Variants in F2RL1 observed in about 807,000 individuals in gnomAD.
F2RL1 encodes proteinase-activated receptor 2.
Under a neutral mutation model 21.7 loss-of-function variants are expected in F2RL1, and 16 were observed. That is an observed-to-expected ratio of 0.74 (90% CI 0.50 to 1.12). F2RL1 has a LOEUF of 1.12. Among genes scored for constraint, F2RL1 ranks in the 50% most tolerant of loss-of-function variants. F2RL1 has a pLI of 0.00. For missense variants in F2RL1, 432 were observed against 477.8 expected, an observed-to-expected ratio of 0.90 and a Z score of 0.89; for synonymous variants, 181 against 186.7, an observed-to-expected ratio of 0.97 and a Z score of 0.25.
At chr5:76,827,565 A>G (rs1010987446) in intron 1 of F2RL1, among the ~76,000 whole-genome samples, 9 of 149,836 alleles carry the variant, frequency 6.0e-5, no homozygotes, top group Non-Finnish European at 1.2e-4. Context: ...GGACTCCTGC[A>G]TACCTGGGAG....
At chr5:76,826,623 A>G (rs979836868) in intron 1 of F2RL1, among the ~76,000 whole-genome samples, 22 of 148,844 alleles carry the variant, frequency 1.5e-4, no homozygotes, top group African/African-American at 5.2e-4. Context: ...CTCCTGCCTC[A>G]GCCTCCTGAG....
At chr5:76,827,073 AT>A (rs1457284677) in intron 1 of F2RL1, among the ~76,000 whole-genome samples, 2 of 151,762 alleles carry the variant, frequency 1.3e-5, no homozygotes. Flanking sequence ...CTTGTCTCAA[AT>A]TCCTGGCCTC....
rs1750404506 is a variant in F2RL1, at chr5:76,833,767, C to T, written c.1160C>T (p.Ser387Phe). The T allele has an allele frequency of 1.2e-6, 2 of 1,613,916 alleles. No homozygotes were observed. The highest frequency in any genetic ancestry group is 1.3e-5 in the African/African-American group (1 of 74,914). Reference sequence around the variant, plus strand: ...CACTCCAGGAAATCCAGCTCTTACTCTTCAAGTTCAACCACTGTTAAGACC... The same window carrying T: ...CACTCCAGGAAATCCAGCTCTTACTTTTCAAGTTCAACCACTGTTAAGACC... ...KKHSRKSSSY[S>F]SSSTTVKTSY The change falls in exon 2 of 2, where the codon TCT (serine) becomes TTT (phenylalanine). Residue 387 changes from serine to phenylalanine, a missense_variant. Ser to Phe is a radical substitution (Grantham distance 155). Coordinates refer to ENST00000296677, the MANE Select transcript of F2RL1 (RefSeq NM_005242.6).
intron 1 of F2RL1, among the ~76,000 whole-genome samples, chr5:76,823,141 A>C (rs1750170918): frequency 6.6e-6 from 1 of 151,752 alleles, no homozygotes; most frequent in Non-Finnish European, 1.5e-5. Flanking sequence ...GAGGCAGGAG[A>C]ATGGCGTGAA....
rs541124009 is a variant in F2RL1 at position 76,824,802 on chromosome 5, GAT to G, written c.82+5541_82+5542del. 1.3e-4 allele frequency among the ~76,000 whole-genome samples: 20 copies of G among 152,158 alleles called. No homozygotes were observed. The East Asian group carries it at 3.7e-3, about 28-fold the overall frequency. On this transcript the variant is annotated intron_variant, in intron 1 of 1. Coordinates refer to ENST00000296677, the MANE Select transcript of F2RL1 (RefSeq NM_005242.6). ...ATATGGCAAATACATTTAAAATTTTGATATGTTTTGCCAAATTACCCACCAAA... is the reference window on the plus strand; with the variant it reads ...ATATGGCAAATACATTTAAAATTTTGATGTTTTGCCAAATTACCCACCAAA...
chr5:76,833,607 A>G lies in F2RL1; in HGVS notation c.1000A>G (p.Thr334Ala), dbSNP rs1278446886. Residue 334 changes from threonine to alanine, a missense_variant, in exon 2 of 2, where the codon ACC (threonine) becomes GCC (alanine). Transcript: ENST00000296677. The stretch of plus-strand genomic sequence containing the variant: ...GTACATTGTAGCCCTCTGCCTCTCT[A>G]CCCTTAACAGCTGCATCGACCCCTT... Reference protein sequence around the residue: ...ALYIVALCLSTLNSCIDPFVY... With the variant: ...ALYIVALCLSALNSCIDPFVY... The G allele has an allele frequency of 1.2e-6, 2 of 1,613,388 alleles. No homozygotes were observed. Among genetic ancestry groups the G allele is most frequent in the Non-Finnish European group, 1.7e-6 (2 of 1,179,930 alleles).
At chr5:76,819,285 G>C (rs111871548) in intron 1 of F2RL1, 21 bp downstream of exon 1, 1 of 1,577,558 alleles carries the variant, frequency 6.3e-7, no homozygotes, top group Non-Finnish European at 8.5e-7. Flanking sequence ...TGGCCAAGGA[G>C]GGCTCTTATC....
At chr5:76,828,075 TCTCCTGTCTCACCCTCCC>T (rs1222793756) in intron 1 of F2RL1, among the ~76,000 whole-genome samples, 1 of 152,212 alleles carries the variant, frequency 6.6e-6, no homozygotes, top group African/African-American at 2.4e-5. Context: ...TTCAAATGAT[TCTCCTGTCTCACCCTCCC>T]AAGTTGCTGG....
At chr5:76,831,740 C>T (rs1333254663) in intron 1 of F2RL1, among the ~76,000 whole-genome samples, 1 of 152,022 alleles carries the variant, frequency 6.6e-6, no homozygotes. Context: ...GTTAGCCAGG[C>T]TGGTCTGAAA....
At chr5:76,830,198 C>T (rs1177240160) in intron 1 of F2RL1, among the ~76,000 whole-genome samples, 2 of 152,178 alleles carry the variant, frequency 1.3e-5, no homozygotes, top group African/African-American at 4.8e-5. Context: ...TGATGTGACT[C>T]CAATCTCTGC....
rs1381902881 is a variant in F2RL1 at position 76,833,586 on chromosome 5, A to C, written c.979A>C (p.Ile327Leu). 3 of 1,613,640 alleles carry C rather than the reference A, an allele frequency of 1.9e-6. No individual in the cohort carries two copies. The highest frequency in any genetic ancestry group is 1.1e-5 in the South Asian group (1 of 91,048). The part of the protein sequence containing the change: ...QGQSHVYALY[I>L]VALCLSTLNS... ...CCAGAGCCATGTCTATGCCCTGTAC[A>C]TTGTAGCCCTCTGCCTCTCTACCCT... Residue 327 changes from isoleucine to leucine, a missense_variant, in exon 2 of 2, where the codon ATT (isoleucine) becomes CTT (leucine). Transcript: ENST00000296677.
Position 76,819,130 on chromosome 5 carries a change from C to G in F2RL1, c.-53C>G, listed in dbSNP as rs34015116. On this transcript the variant is annotated 5_prime_UTR_variant, in exon 1 of 2. Coordinates refer to ENST00000296677, the MANE Select transcript of F2RL1 (RefSeq NM_005242.6). ...GTGCGTCCAGTGGAGCTCTGAGTTT[C>G]GAATCGGCGGCGGCGGATTCCCCGC... 3.9e-4 allele frequency: 571 copies of G among 1,461,032 alleles called. 9 individuals carry two copies. In the East Asian group the frequency reaches 0.012, roughly 31 times the overall value. The allele number at this position is 1,461,032 out of a possible 1,614,324, so 90.5% of individuals were successfully genotyped here. A position where few individuals can be genotyped will look rare whatever the true frequency, so the allele number is the denominator to read the frequency against.
At chr5:76,832,162 G>A (rs755960525) in intron 1 of F2RL1, among the ~76,000 whole-genome samples, 12 of 149,228 alleles carry the variant, frequency 8.0e-5, no homozygotes, top group Non-Finnish European at 8.9e-5. Flanking sequence ...ACAACTCCCC[G>A]ATACAAAAAT....
At chr5:76,824,159 A>AC (rs5868841) in intron 1 of F2RL1, among the ~76,000 whole-genome samples, 16,350 of 86,758 alleles carry the variant, frequency 0.19, 1,944 homozygotes, top group South Asian at 0.25. Context: ...TCCCCACCAC[A>AC]CCCCCCCCCC....
rs1750380999 is a variant in F2RL1, at chr5:76,833,092, C to T, written c.485C>T (p.Ser162Phe). ...IGFFYGNMYC[S>F]ILFMTCLSVQ... ...TTTTTCTATGGCAACATGTACTGTT[C>T]CATTCTCTTCATGACCTGCCTCAGT... The change falls in exon 2 of 2, where the codon TCC (serine) becomes TTC (phenylalanine). Residue 162 changes from serine (S) to phenylalanine (F), a missense_variant. Coordinates refer to ENST00000296677, the MANE Select transcript of F2RL1 (RefSeq NM_005242.6). The T allele has an allele frequency of 6.2e-7, 1 of 1,614,184 alleles. No individual in the cohort carries two copies. The highest frequency in any genetic ancestry group is 8.5e-7 in the Non-Finnish European group (1 of 1,180,040).
intron 1 of F2RL1, among the ~76,000 whole-genome samples, chr5:76,826,327 A>G (rs1365168595): frequency 6.6e-6 from 1 of 152,232 alleles, no homozygotes; most frequent in African/African-American, 2.4e-5. Flanking sequence ...TTACCCTGGA[A>G]GAAACAGTTT....
At chr5:76,820,213 G>C (rs972890010) in intron 1 of F2RL1, among the ~76,000 whole-genome samples, 1 of 152,186 alleles carries the variant, frequency 6.6e-6, no homozygotes, top group Non-Finnish European at 1.5e-5. Flanking sequence ...GTGTTCTTCC[G>C]GGCCCAGCAG....
In F2RL1 at chr5:76,819,165, G is replaced by A. The variant is rs750549221; in HGVS notation, c.-18G>A. ...GCGGCGGATTCCCCGCGCGCCCGGC[G>A]TCGGGGCTTCCAGGAGGATGCGGAG... is the stretch of plus-strand genomic sequence containing the variant. On this transcript the variant is annotated 5_prime_UTR_variant, in exon 1 of 2. Transcript: ENST00000296677. The A allele has an allele frequency of 1.4e-5, 22 of 1,566,858 alleles. No individual in the cohort carries two copies. The highest frequency in any genetic ancestry group is 5.1e-6 in the Non-Finnish European group (6 of 1,165,300).
Position 76,819,264 on chromosome 5 carries a change from G to T in F2RL1, c.82G>T (p.Gly28Ter). The stretch of plus-strand genomic sequence containing the variant: ...TCTCTCCTGCAGTGGCACCATCCAA[G>T]GTGAGAAACCTGGCCAAGGAGGGCT... ...ASLSCSGTIQGTSRSSKGRSL... is the reference protein window; with the variant it reads ...ASLSCSGTIQ Residue 28 changes from glycine (G) to a stop codon, truncating the protein, a stop_gained and splice_region_variant, in exon 1 of 2, where the codon GGA (glycine) becomes TGA (stop). Coordinates refer to ENST00000296677, the MANE Select transcript of F2RL1 (RefSeq NM_005242.6). LOFTEE classifies it high-confidence loss of function. 1 of 1,589,312 alleles carries T rather than the reference G, an allele frequency of 6.3e-7. No homozygotes were observed.
Sources: gnomAD v4.1 joint callset for allele counts (sites outside exome capture counted in the v4.1 genomes callset) on GRCh38, gnomAD v4.1.1 for gene constraint, MANE v1.5 for transcripts, NCBI Gene and HGNC (gene_info 2026-07-23, HGNC 2026-07-21) for gene names.